Variants in TEX9 observed in about 807,000 individuals in gnomAD.
TEX9 encodes the protein testis-expressed protein 9.
A neutral mutation model predicts 59.6 loss-of-function variants in TEX9; 74 were observed. That is an observed-to-expected ratio of 1.24 (90% CI 1.03 to 1.51). TEX9 has a LOEUF of 1.51. TEX9 is among the 40% of genes most tolerant of loss of function. TEX9 has a pLI of 0.00. For synonymous variants in TEX9, 186 were observed against 152.2 expected, an observed-to-expected ratio of 1.22 and a Z score of -1.64; for missense variants, 522 against 447.8, an observed-to-expected ratio of 1.17 and a Z score of -1.49.
At chr15:56,418,494 T>C (rs1208012913) in intron 10 of TEX9, among the ~76,000 whole-genome samples, 1 of 151,028 alleles carries the variant, frequency 6.6e-6, no homozygotes, top group South Asian at 2.1e-4. Flanking sequence ...TTTAAGAATA[T>C]TGAAAAATTA....
intron 10 of TEX9, among the ~76,000 whole-genome samples, chr15:56,426,332 G>A (rs2050240886): frequency 6.6e-6 from 1 of 151,868 alleles, no homozygotes; most frequent in African/African-American, 2.4e-5. Flanking sequence ...GGGAGGATGT[G>A]GGTAAAGGGT....
At position 56,246,509 on chromosome 15, in the gene TEX9, G is replaced by A. The variant is rs570238582; in HGVS notation, c.-107+2231G>A. Among the ~76,000 whole-genome samples the A allele has an allele frequency of 2.0e-5, 3 of 152,262 alleles. No homozygotes were observed. In the South Asian group the frequency reaches 6.2e-4, roughly 32 times the overall value. ...TGAAGTTACCCAAAATTTTGAGTGTGGACTCAAGCCAAACCCAGGGACCCT... is the reference window on the plus strand; with the variant it reads ...TGAAGTTACCCAAAATTTTGAGTGTAGACTCAAGCCAAACCCAGGGACCCT... On this transcript the variant is annotated intron_variant, in intron 1 of 5. Coordinates refer to the TEX9 transcript ENST00000560827.
intron 3 of TEX9, among the ~76,000 whole-genome samples, chr15:56,382,212 G>T (rs1291578098): frequency 6.6e-6 from 1 of 152,086 alleles, no homozygotes; most frequent in Non-Finnish European, 1.5e-5. Context: ...TTTTCAGTCA[G>T]GTCGTGGTGA....
chr15:56,394,564 A>G (rs1226000243), intron 8 of TEX9, 97 bp from the exon 9 acceptor site: 1 of 915,710 alleles, frequency 1.1e-6, no homozygotes, highest in East Asian at 2.7e-5. Flanking sequence ...AAACGTGTAT[A>G]AATATCAAAG....
chr15:56,345,316 T>C (rs1401078935), intron 1 of TEX9, among the ~76,000 whole-genome samples: 1 of 152,026 alleles, frequency 6.6e-6, no homozygotes, highest in Non-Finnish European at 1.5e-5. Context: ...TATTTGTGTG[T>C]TGGGGGAGAA....
chr15:56,438,420 C>G (rs545302904), intron 12 of TEX9, among the ~76,000 whole-genome samples: 1 of 152,100 alleles, frequency 6.6e-6, no homozygotes, highest in East Asian at 1.9e-4. Context: ...ATAAATGGTG[C>G]TGGAAAAACT....
chr15:56,411,223 CA>C (rs2049327549), intron 9 of TEX9, among the ~76,000 whole-genome samples: 1 of 152,082 alleles, frequency 6.6e-6, no homozygotes, highest in Admixed American at 6.5e-5. Context: ...AAAATAAGTT[CA>C]GTTTAACTAA....
the TEX9 span, among the ~76,000 whole-genome samples, chr15:56,459,086 T>A: frequency 1.3e-5 from 2 of 152,234 alleles, no homozygotes; most frequent in African/African-American, 2.4e-5. Flanking sequence ...AAGAAACCTG[T>A]AACCTATTAG....
At chr15:56,357,008 G>C (rs769074541) in intron 1 of TEX9, among the ~76,000 whole-genome samples, 1 of 152,064 alleles carries the variant, frequency 6.6e-6, no homozygotes, top group East Asian at 1.9e-4. Context: ...AAAGAGATAG[G>C]GCTATAAGAA....
chr15:56,347,525 T>C (rs2046494860), intron 1 of TEX9, among the ~76,000 whole-genome samples: 1 of 150,336 alleles, frequency 6.7e-6, no homozygotes, highest in Non-Finnish European at 1.5e-5. Context: ...TGGAAACCCA[T>C]AGGCAAAAAA....
At chr15:56,447,725 A>G (rs74520715), downstream of TEX9, 1 of 152,182 alleles carries the variant, frequency 6.6e-6, no homozygotes, top group East Asian at 1.9e-4. Context: ...TTACATATGT[A>G]TGCACCTGTG....
intron 9 of TEX9, chr15:56,410,116 T>G (rs2049277788): frequency 6.6e-6 from 1 of 152,220 alleles, no homozygotes; most frequent in South Asian, 2.1e-4. Context: ...TAGGTATAGA[T>G]AATATTACTC....
chr15:56,315,451 T>C (rs1453839003), intron 1 of TEX9, among the ~76,000 whole-genome samples: 1 of 150,038 alleles, frequency 6.7e-6, no homozygotes, highest in Admixed American at 6.8e-5. Context: ...TTGAAAATTC[T>C]TGTCTTTAAG....
At chr15:56,271,427 C>T (rs931398480) in intron 1 of TEX9, among the ~76,000 whole-genome samples, 1 of 152,102 alleles carries the variant, frequency 6.6e-6, no homozygotes, top group Non-Finnish European at 1.5e-5. Flanking sequence ...TTAATGGAAT[C>T]GGCTACTGAA....
At chr15:56,260,853 A>T (rs1437978225) in intron 1 of TEX9, among the ~76,000 whole-genome samples, 1 of 152,004 alleles carries the variant, frequency 6.6e-6, no homozygotes, top group African/African-American at 2.4e-5. Context: ...AGAATTCACC[A>T]CTAAATATAT....
At chr15:56,364,216 C>G (rs188216517), upstream of TEX9, among the ~76,000 whole-genome samples, 1 of 151,888 alleles carries the variant, frequency 6.6e-6, no homozygotes, top group East Asian at 1.9e-4. Context: ...CGCAATGGTG[C>G]AATCTCAGCT....
chr15:56,269,449 G>C (rs554041291), intron 1 of TEX9, among the ~76,000 whole-genome samples: 33 of 152,076 alleles, frequency 2.2e-4, no homozygotes, highest in African/African-American at 8.0e-4. Flanking sequence ...GCTTTCTCTT[G>C]TGGGCATTTA....
At chr15:56,413,840 C>A (rs918939270) in intron 10 of TEX9, among the ~76,000 whole-genome samples, 5 of 151,736 alleles carry the variant, frequency 3.3e-5, no homozygotes, top group African/African-American at 9.7e-5. Flanking sequence ...GACCTTGATA[C>A]ATCCTCTAAC....
At chr15:56,431,365 T>A in intron 12 of TEX9, 9 of 1,609,254 alleles carry the variant, frequency 5.6e-6, no homozygotes, top group Non-Finnish European at 7.6e-6. Flanking sequence ...GAGATAAATC[T>A]CACTTACTTT....
Sources: allele counts gnomAD v4.1 joint callset (sites outside exome capture counted in the v4.1 genomes callset), GRCh38; gene constraint gnomAD v4.1.1; transcripts MANE v1.5; gene names NCBI Gene and HGNC (gene_info 2026-07-23, HGNC 2026-07-21).